The following RAP1GAP2 variants were observed in gnomAD, a reference collection of about 807,000 sequenced individuals.
The protein encoded by RAP1GAP2 is rap1 GTPase-activating protein 2.
RAP1GAP2 carries 27 observed loss-of-function variants against 95.0 expected under a neutral mutation model. That is an observed-to-expected ratio of 0.28 (90% CI 0.21 to 0.39). The LOEUF is 0.39. Among genes scored for constraint, RAP1GAP2 ranks in the 10% least tolerant of loss-of-function variants. The pLI, the probability that RAP1GAP2 is intolerant of heterozygous loss-of-function variation, is 1.00. For missense variants in RAP1GAP2, 771 were observed against 970.0 expected (o/e 0.79, Z 2.72); for synonymous variants, 373 against 380.9 (o/e 0.98, Z 0.24).
intron 1 of RAP1GAP2, among the ~76,000 whole-genome samples, chr17:2,763,002 A>G (rs1375120119): frequency 1.3e-5 from 2 of 152,100 alleles, no homozygotes; most frequent in African/African-American, 4.8e-5. Context: ...AGTGGCTGAT[A>G]GTGATTGAAA....
intron 2 of RAP1GAP2, among the ~76,000 whole-genome samples, chr17:2,840,225 G>A (rs1028725460): frequency 7.3e-5 from 11 of 151,444 alleles, no homozygotes; most frequent in South Asian, 2.1e-4. Flanking sequence ...GTGCGGTGGC[G>A]CGATCTCGGT....
chr17:2,937,593 T>C (rs1471490237), intron 3 of RAP1GAP2, among the ~76,000 whole-genome samples: 1 of 152,048 alleles, frequency 6.6e-6, no homozygotes, highest in Non-Finnish European at 1.5e-5. Context: ...TTATCCTGGG[T>C]CCCTTTTTCC....
At position 2,934,532 on chromosome 17, in the gene RAP1GAP2, G is replaced by T. The variant is rs118026255; in HGVS notation, c.166-23227G>T. 2.2e-3 allele frequency among the ~76,000 whole-genome samples: 335 copies of T among 152,322 alleles called. 3 individuals are homozygous for T. Among genetic ancestry groups the T allele is most frequent in the African/African-American group, 3.6e-3 (150 of 41,576 alleles). On this transcript the variant is annotated intron_variant, in intron 3 of 24. Transcript: ENST00000254695. The stretch of plus-strand genomic sequence containing the variant: ...ATGAAATACTCCTTTTAGCCAGCTG[G>T]TAAGACACAAACCTGAGTCTTGAGA...
chr17:2,787,254 GTT>G (rs1186389658), intron 1 of RAP1GAP2, among the ~76,000 whole-genome samples: 1 of 134,284 alleles, frequency 7.4e-6, no homozygotes, highest in Admixed American at 7.4e-5. Context: ...CCCAGCTTTG[GTT>G]TTTTTTTTTT....
chr17:2,853,168 G>C (rs940066261), intron 2 of RAP1GAP2, among the ~76,000 whole-genome samples: 3 of 152,136 alleles, frequency 2.0e-5, no homozygotes, highest in African/African-American at 7.2e-5. Context: ...CGCCGACTCT[G>C]CGGGGAGGCG....
chr17:2,823,341 T>G (rs1330451340), intron 2 of RAP1GAP2, among the ~76,000 whole-genome samples: 55 of 152,152 alleles, frequency 3.6e-4, no homozygotes, highest in Non-Finnish European at 4.4e-5. Flanking sequence ...AACCCAACCT[T>G]TGTCAGGGGA....
rs58160165 is a variant in RAP1GAP2, at chr17:2,828,984, C to CTT, written c.80+28452_80+28453dup. Among the ~76,000 whole-genome samples the CTT allele has an allele frequency of 7.4e-5, 6 of 80,840 alleles. 1 individual carries two copies. The highest frequency in any genetic ancestry group is 1.1e-4 in the Non-Finnish European group (5 of 44,614). The allele number at this position is 80,840 out of a possible 152,430, so 53.0% of individuals were successfully genotyped here. ...TCCTGTCTCAAAGATTAATTACTTG[C>CTT]TTTTTTTTTTTTTTTTTTTGGGAAA... On this transcript the variant is annotated intron_variant, in intron 2 of 24. Coordinates refer to ENST00000254695, the MANE Select transcript of RAP1GAP2 (RefSeq NM_015085.5).
rs142469923 is a variant in RAP1GAP2, at chr17:2,863,431, G to A, written c.81-41853G>A. Among the ~76,000 whole-genome samples the A allele has an allele frequency of 3.3e-5, 5 of 152,288 alleles. No individual in the cohort carries two copies. The East Asian group carries it at 9.7e-4, about 29-fold the overall frequency. ...GGCAGCCTGGCTGGGAGCTGGGGACGCCTCTGGAGACATGTCGGCCCCATG... is the reference window on the plus strand; with the variant it reads ...GGCAGCCTGGCTGGGAGCTGGGGACACCTCTGGAGACATGTCGGCCCCATG... On this transcript the variant is annotated intron_variant, in intron 2 of 24. Coordinates refer to ENST00000254695, the MANE Select transcript of RAP1GAP2 (RefSeq NM_015085.5).
rs1208123341 is a variant in RAP1GAP2 at position 2,886,149 on chromosome 17, G to T, written c.81-19135G>T. Among the ~76,000 whole-genome samples the T allele has an allele frequency of 7.4e-5, 8 of 108,044 alleles. 1 individual carries two copies. The highest frequency in any genetic ancestry group is 6.4e-4 in the Admixed American group (7 of 11,014). The allele number at this position is 108,044 out of a possible 152,430, so 70.9% of individuals were successfully genotyped here. A position where few individuals can be genotyped will look rare whatever the true frequency, so the allele number is the denominator to read the frequency against. ...AATATGTATTTATGTGTGTGTGTGT[G>T]TGTGTGTGTGTGTATATATATATTT... is the stretch of plus-strand genomic sequence containing the variant. On this transcript the variant is annotated intron_variant, in intron 2 of 24. Coordinates refer to ENST00000254695, the MANE Select transcript of RAP1GAP2 (RefSeq NM_015085.5).
intron 3 of RAP1GAP2, among the ~76,000 whole-genome samples, chr17:2,938,241 A>T (rs1313694941): frequency 6.6e-6 from 1 of 152,162 alleles, no homozygotes; most frequent in East Asian, 1.9e-4. Context: ...CTGAGTGACC[A>T]ACCCATGCAG....
intron 2 of RAP1GAP2, among the ~76,000 whole-genome samples, chr17:2,817,866 C>G (rs1013184448): frequency 1.9e-5 from 2 of 104,252 alleles, no homozygotes; most frequent in African/African-American, 6.4e-5. Flanking sequence ...GAGATGGAGT[C>G]TGGCTTTGTT....
chr17:2,817,721 A>G (rs1567675190), intron 2 of RAP1GAP2, among the ~76,000 whole-genome samples: 1 of 119,924 alleles, frequency 8.3e-6, no homozygotes, highest in Non-Finnish European at 2.0e-5. Context: ...GGGTTTCACC[A>G]TGTTGGCTAG....
rs1037311850 is a variant in RAP1GAP2, at chr17:2,866,678, C to A, written c.81-38606C>A. On this transcript the variant is annotated intron_variant, in intron 2 of 24. Coordinates refer to ENST00000254695, the MANE Select transcript of RAP1GAP2 (RefSeq NM_015085.5). This position sits in a 1 kb window ranked among gnomAD's most constrained non-coding sequence, Gnocchi z 4.0. ...GCAGTGGTGCGATCTCGGCTCACTGCAGCCTCCGCCTCCCGGGTTCAAGCG... is the reference window on the plus strand; with the variant it reads ...GCAGTGGTGCGATCTCGGCTCACTGAAGCCTCCGCCTCCCGGGTTCAAGCG... 1.3e-5 allele frequency among the ~76,000 whole-genome samples: 2 copies of A among 152,196 alleles called. No homozygotes were observed. The highest frequency in any genetic ancestry group is 2.9e-5 in the Non-Finnish European group (2 of 68,018).
chr17:2,881,154 G>A (rs1184276540), intron 2 of RAP1GAP2, among the ~76,000 whole-genome samples: 2 of 152,046 alleles, frequency 1.3e-5, no homozygotes, highest in Non-Finnish European at 2.9e-5. Context: ...CCAGCTACTC[G>A]GGAGGCTGAG....
rs1246907544 is a variant in RAP1GAP2 at position 2,800,357 on chromosome 17, C to G, written c.45-158C>G. 4.0e-6 allele frequency: 3 copies of G among 740,992 alleles called. No individual in the cohort carries two copies. The African/African-American group carries it at 5.8e-5, about 14-fold the overall frequency. 45.9% of individuals were successfully genotyped at this position (740,992 alleles called of 1,614,324 possible). A position where few individuals can be genotyped will look rare whatever the true frequency, so the allele number is the denominator to read the frequency against. On this transcript the variant is annotated intron_variant, in intron 1 of 24. Coordinates refer to ENST00000254695, the MANE Select transcript of RAP1GAP2 (RefSeq NM_015085.5). ...CAGCTCTCCCAGCACTCAGAGGCGT[C>G]TCTCCCCCTGCTAGCGGAGAACTGG...
chr17:2,811,327 G>T (rs2069762441), intron 2 of RAP1GAP2, among the ~76,000 whole-genome samples: 1 of 152,192 alleles, frequency 6.6e-6, no homozygotes, highest in Non-Finnish European at 1.5e-5. Flanking sequence ...GAGACCCTGA[G>T]CAGGGGTGCT....
At chr17:2,761,376 T>TC (rs2071245820) in intron 1 of RAP1GAP2, among the ~76,000 whole-genome samples, 1 of 146,368 alleles carries the variant, frequency 6.8e-6, no homozygotes, top group Non-Finnish European at 1.5e-5. Flanking sequence ...GCAACCTCCG[T>TC]CCCCCGGGTT....
chr17:2,890,260 A>T (rs548622472), intron 2 of RAP1GAP2, among the ~76,000 whole-genome samples: 2 of 152,256 alleles, frequency 1.3e-5, no homozygotes, highest in African/African-American at 4.8e-5. Context: ...CTTTCTAATG[A>T]GTGAGAATAA....
intron 2 of RAP1GAP2, among the ~76,000 whole-genome samples, chr17:2,853,313 C>T (rs2071962513): frequency 6.7e-6 from 1 of 150,190 alleles, no homozygotes. Flanking sequence ...GGGACGGGGA[C>T]CGCGCGCGGG....
Sources: gnomAD v4.1 joint callset for allele counts (sites outside exome capture counted in the v4.1 genomes callset) on GRCh38, gnomAD v4.1.1 for gene constraint, Gnocchi (gnomAD v3.1) non-coding constraint, MANE v1.5 for transcripts, NCBI Gene and HGNC (gene_info 2026-07-23, HGNC 2026-07-21) for gene names.